The following AGBL4 variants were observed in gnomAD, a reference collection of about 807,000 sequenced individuals.
The protein encoded by AGBL4 is cytosolic carboxypeptidase 6.
Under a neutral mutation model 66.4 loss-of-function variants are expected in AGBL4, and 58 were observed. The ratio of observed to expected loss-of-function variants is 0.87; its 90% CI spans 0.71 to 1.09. AGBL4 has a LOEUF of 1.09. Ranked by LOEUF, AGBL4 falls within the 50% of genes least tolerant of loss-of-function variation. The probability of loss-of-function intolerance (pLI) is 0.00; values close to 1 mark genes in which losing one functional copy is unlikely to be tolerated. For missense variants in AGBL4, 579 were observed against 631.0 expected (o/e 0.92, Z 0.88); for synonymous variants, 234 against 222.9 (o/e 1.05, Z -0.44).
At chr1:48,995,372 T>G (rs1660922252) in intron 5 of AGBL4, among the ~76,000 whole-genome samples, 1 of 152,204 alleles carries the variant, frequency 6.6e-6, no homozygotes, top group African/African-American at 2.4e-5. Flanking sequence ...AGAGCAGGGA[T>G]CTAATAGGTC....
intron 11 of AGBL4, among the ~76,000 whole-genome samples, chr1:48,580,837 CT>C: frequency 6.6e-6 from 1 of 152,312 alleles, no homozygotes; most frequent in East Asian, 1.9e-4. Context: ...TCACCTGCTG[CT>C]TCTGGCCCAG....
chr1:48,527,646 C>T, the AGBL4 span, among the ~76,000 whole-genome samples: 7 of 151,084 alleles, frequency 4.6e-5, no homozygotes, highest in South Asian at 6.3e-4. Flanking sequence ...TTAGGGCAAC[C>T]GAGAAAAGAA....
At chr1:49,011,679 C>G (rs866292505) in intron 5 of AGBL4, among the ~76,000 whole-genome samples, 15 of 152,238 alleles carry the variant, frequency 9.9e-5, no homozygotes, top group Middle Eastern at 3.4e-3. Context: ...GGCACATGTA[C>G]ACCATCGAAT....
At chr1:49,546,830 G>T (rs1379209166) in intron 3 of AGBL4, among the ~76,000 whole-genome samples, 1 of 151,994 alleles carries the variant, frequency 6.6e-6, no homozygotes, top group Non-Finnish European at 1.5e-5. Context: ...CTATTAATGT[G>T]CTTAGCCCCG....
intron 6 of AGBL4, among the ~76,000 whole-genome samples, chr1:48,678,611 T>C (rs1164312466): frequency 6.6e-6 from 1 of 152,082 alleles, no homozygotes; most frequent in Non-Finnish European, 1.5e-5. Context: ...TTGAAGTGGA[T>C]GGAGAAGCCC....
At chr1:49,644,759 C>G (rs1429288662) in intron 3 of AGBL4, among the ~76,000 whole-genome samples, 1 of 151,368 alleles carries the variant, frequency 6.6e-6, no homozygotes, top group Non-Finnish European at 1.5e-5. Context: ...ATACTATCTA[C>G]CAACTTGACT....
intron 3 of AGBL4, among the ~76,000 whole-genome samples, chr1:49,431,336 T>C (rs993171789): frequency 2.0e-5 from 3 of 152,330 alleles, no homozygotes; most frequent in African/African-American, 4.8e-5. Context: ...CAGAAGATCA[T>C]CTTGTTCCAC....
chr1:48,986,283 A>T (rs1051649876), intron 5 of AGBL4, among the ~76,000 whole-genome samples: 3 of 152,068 alleles, frequency 2.0e-5, no homozygotes, highest in Non-Finnish European at 4.4e-5. Context: ...TCCACGTTTG[A>T]TGAAAACTAA....
intron 1 of AGBL4, among the ~76,000 whole-genome samples, chr1:49,908,257 C>T (rs1650467542): frequency 6.6e-6 from 1 of 151,806 alleles, no homozygotes; most frequent in African/African-American, 2.4e-5. Flanking sequence ...GATGTTGTCC[C>T]CTCTAAATCT....
chr1:48,597,934 A>C (rs1273212427), intron 9 of AGBL4, among the ~76,000 whole-genome samples: 1 of 152,030 alleles, frequency 6.6e-6, no homozygotes, highest in South Asian at 2.1e-4. Flanking sequence ...GAAAAAGAAA[A>C]AGAAAGAAAG....
intron 4 of AGBL4, among the ~76,000 whole-genome samples, chr1:49,110,427 C>T (rs1235593307): frequency 1.3e-5 from 2 of 152,132 alleles, no homozygotes; most frequent in Non-Finnish European, 2.9e-5. Context: ...AAAAAAAGTT[C>T]AGACCTTCTT....
chr1:48,804,026 A>G (rs61308742), intron 6 of AGBL4, among the ~76,000 whole-genome samples: 3,409 of 152,340 alleles, frequency 0.022, 100 homozygotes, highest in African/African-American at 0.078. Flanking sequence ...TAGATTATTA[A>G]CAAGATTTTA....
intron 3 of AGBL4, among the ~76,000 whole-genome samples, chr1:49,586,984 T>TTAGCTTTAGCTTTAGC (rs1553232006): frequency 1.3e-5 from 2 of 152,110 alleles, no homozygotes; most frequent in Admixed American, 6.6e-5. Flanking sequence ...CTACTCACCT[T>TTAGCTTTAGCTTTAGC]TAAAGCCTTA....
At chr1:49,174,243 A>C (rs996155243) in intron 4 of AGBL4, among the ~76,000 whole-genome samples, 12 of 152,268 alleles carry the variant, frequency 7.9e-5, no homozygotes, top group African/African-American at 2.4e-4. Context: ...AAAACTGTGA[A>C]GTTAGAAAAA....
intron 3 of AGBL4, among the ~76,000 whole-genome samples, chr1:49,295,160 C>T (rs1434656096): frequency 2.0e-5 from 3 of 152,180 alleles, no homozygotes; most frequent in African/African-American, 7.2e-5. Context: ...CCTATTCATT[C>T]AGTTTCTGTT....
Position 49,989,140 on chromosome 1 carries a change from T to C in AGBL4, c.34+34623A>G, listed in dbSNP as rs1438538983. Among the ~76,000 whole-genome samples the C allele has an allele frequency of 2.0e-5, 3 of 152,168 alleles. No individual in the cohort carries two copies. The East Asian group carries it at 5.8e-4, about 29-fold the overall frequency. On this transcript the variant is annotated intron_variant, in intron 1 of 13. Coordinates refer to ENST00000371839, the MANE Select transcript of AGBL4 (RefSeq NM_032785.4). Reference sequence around the variant, plus strand: ...TCCTCAATCAAAACTAGTGTAAATATACTACAGCTGCCTCAGTTCCCAAGT... The same window carrying C: ...TCCTCAATCAAAACTAGTGTAAATACACTACAGCTGCCTCAGTTCCCAAGT...
chr1:49,711,322 C>A (rs1434957403), intron 2 of AGBL4, among the ~76,000 whole-genome samples: 1 of 151,958 alleles, frequency 6.6e-6, no homozygotes, highest in Non-Finnish European at 1.5e-5. Flanking sequence ...TTTGTAATAG[C>A]TGAAAACTGG....
intron 2 of AGBL4, among the ~76,000 whole-genome samples, chr1:49,765,877 G>C (rs778716173): frequency 2.6e-5 from 4 of 151,700 alleles, no homozygotes; most frequent in Non-Finnish European, 4.4e-5. Context: ...AACCAACCCA[G>C]AGAAAAATAA....
At chr1:49,532,522 C>T (rs1357160621) in intron 3 of AGBL4, among the ~76,000 whole-genome samples, 1 of 152,032 alleles carries the variant, frequency 6.6e-6, no homozygotes, top group Non-Finnish European at 1.5e-5. Flanking sequence ...GGTGCATTTC[C>T]CTAATTTATA....
Sources: gnomAD v4.1 joint callset for allele counts (sites outside exome capture counted in the v4.1 genomes callset) on GRCh38, gnomAD v4.1.1 for gene constraint, MANE v1.5 for transcripts, NCBI Gene and HGNC (gene_info 2026-07-23, HGNC 2026-07-21) for gene names.